The following PRDM2 variants were observed in gnomAD, a reference collection of about 807,000 sequenced individuals.
The protein encoded by PRDM2 is PR domain zinc finger protein 2.
In PRDM2, 30 loss-of-function variants were observed where a neutral mutation model predicts 130.0. The observed-to-expected ratio is 0.23, with a 90% CI of 0.17 to 0.31. The LOEUF (loss-of-function observed/expected upper bound fraction) is 0.31, where lower values mean the gene tolerates loss of function less well. Among genes scored for constraint, PRDM2 ranks in the 10% least tolerant of loss-of-function variants. The probability of loss-of-function intolerance (pLI) is 1.00; values close to 1 mark genes in which losing one functional copy is unlikely to be tolerated. For synonymous variants in PRDM2, 871 were observed against 782.4 expected (o/e 1.11, Z -1.89); for missense variants, 2,011 against 2,108.4 (o/e 0.95, Z 0.90).
intron 8 of PRDM2, among the ~76,000 whole-genome samples, chr1:13,789,244 C>G (rs61775127): frequency 0.049 from 7,494 of 152,338 alleles, 263 homozygotes; most frequent in Non-Finnish European, 0.074. Flanking sequence ...CCTTCCATCC[C>G]TGTTACCATT....
chr1:13,808,240 C>G (rs1209278913), intron 8 of PRDM2, among the ~76,000 whole-genome samples: 1 of 152,000 alleles, frequency 6.6e-6, no homozygotes, highest in Non-Finnish European at 1.5e-5. Context: ...GCCTGTAATC[C>G]CCACACTTTG....
chr1:13,736,797 T>C (rs893121778), intron 4 of PRDM2, among the ~76,000 whole-genome samples: 4 of 152,148 alleles, frequency 2.6e-5, no homozygotes, highest in African/African-American at 9.7e-5. Flanking sequence ...GTTAAAAATA[T>C]CTATTTTTGT....
chr1:13,816,380 C>T (rs199982136), intron 8 of PRDM2, 47 bp from the exon 9 acceptor site: 16 of 1,607,768 alleles, frequency 1.0e-5, no homozygotes, highest in Admixed American at 5.0e-5. Context: ...TCTAGGGCAC[C>T]GGGCTGGGCT....
intron 8 of PRDM2, among the ~76,000 whole-genome samples, chr1:13,783,768 A>G (rs1570028735): frequency 6.6e-6 from 1 of 152,284 alleles, no homozygotes; most frequent in East Asian, 1.9e-4. Context: ...TCATGTGAAA[A>G]TTACTCATCA....
chr1:13,702,820 A>C (rs891003453), intron 1 of PRDM2, among the ~76,000 whole-genome samples: 3 of 152,290 alleles, frequency 2.0e-5, no homozygotes, highest in African/African-American at 7.2e-5. Context: ...CAGAAAAAAA[A>C]CCAAAACAGC....
At chr1:13,770,628 T>C (rs1391540359) in intron 6 of PRDM2, among the ~76,000 whole-genome samples, 2 of 151,960 alleles carry the variant, frequency 1.3e-5, no homozygotes, top group African/African-American at 2.4e-5. Context: ...ATGCAAGGAG[T>C]GAAGGTTTAG....
Position 13,824,900 on chromosome 1 carries a change from G to A in PRDM2, c.*1765G>A, listed in dbSNP as rs1645408173. On this transcript the variant is annotated 3_prime_UTR_variant, in exon 10 of 10. Transcript: ENST00000311066. ...TCACTCCTTTTTTGCATGTGCAAAT[G>A]TGCTGGTCACCCTTCAACGCTCCCA... 1 of 152,652 alleles carries A rather than the reference G, an allele frequency of 6.6e-6. No individual in the cohort carries two copies. The highest frequency in any genetic ancestry group is 6.5e-5 in the Admixed American group (1 of 15,286). 9.5% of individuals were successfully genotyped at this position (152,652 alleles called of 1,614,324 possible). A position where few individuals can be genotyped will look rare whatever the true frequency, so the allele number is the denominator to read the frequency against.
intron 6 of PRDM2, among the ~76,000 whole-genome samples, chr1:13,761,586 A>G (rs1031056168): frequency 2.6e-5 from 4 of 152,126 alleles, no homozygotes; most frequent in African/African-American, 9.7e-5. Context: ...GTAATAACAC[A>G]GGAGTCCCTG....
chr1:13,816,620 G>T, intron 9 of PRDM2, 50 bp downstream of exon 9: 1 of 1,600,434 alleles, frequency 6.2e-7, no homozygotes, highest in South Asian at 1.1e-5. Context: ...TGGGTCAAGG[G>T]GGTGTGGGCT....
Position 13,806,990 on chromosome 1 carries a change from A to G in PRDM2, c.5037-9437A>G, listed in dbSNP as rs1645095695. On this transcript the variant is annotated intron_variant, in intron 8 of 9. Coordinates refer to ENST00000311066, the MANE Select transcript of PRDM2 (RefSeq NM_001393986.1). This position sits in a 1 kb window ranked among gnomAD's most constrained non-coding sequence, Gnocchi z 4.1. ...CCCACACACTGCCGTTTCCCATGTC[A>G]CCTTTCCCTGTCTTCTCCTCCACTC... 6.6e-6 allele frequency among the ~76,000 whole-genome samples: 1 copy of G among 151,392 alleles called. No homozygotes were observed. Among genetic ancestry groups the G allele is most frequent in the Non-Finnish European group, 1.5e-5 (1 of 67,840 alleles).
intron 1 of PRDM2, among the ~76,000 whole-genome samples, chr1:13,703,330 C>G (rs1373828042): frequency 1.3e-5 from 2 of 152,194 alleles, no homozygotes. Context: ...CACCTCCTTC[C>G]AGTGTGACAG....
chr1:13,753,229 C>T (rs1557621662), intron 6 of PRDM2, among the ~76,000 whole-genome samples: 1 of 152,144 alleles, frequency 6.6e-6, no homozygotes, highest in Non-Finnish European at 1.5e-5. Flanking sequence ...AGTTTTTATA[C>T]CTGAAAGCTG....
At chr1:13,722,810 G>A (rs1242305246) in intron 2 of PRDM2, 1 of 515,652 alleles carries the variant, frequency 1.9e-6, no homozygotes, top group African/African-American at 1.9e-5. Flanking sequence ...GCAGACCAAT[G>A]ACTAGATTTT....
intron 8 of PRDM2, among the ~76,000 whole-genome samples, chr1:13,801,142 C>A (rs986352967): frequency 6.6e-6 from 1 of 152,132 alleles, no homozygotes; most frequent in Non-Finnish European, 1.5e-5. Context: ...GCAGGGGCAT[C>A]GACGTGAGCG....
intron 8 of PRDM2, among the ~76,000 whole-genome samples, chr1:13,805,861 G>A (rs1485190119): frequency 6.6e-6 from 1 of 152,132 alleles, no homozygotes; most frequent in Non-Finnish European, 1.5e-5. Flanking sequence ...CAGGGAGCTT[G>A]GAAGAGCACC....
At chr1:13,767,653 A>G (rs1325077780) in intron 6 of PRDM2, among the ~76,000 whole-genome samples, 1 of 151,904 alleles carries the variant, frequency 6.6e-6, no homozygotes, top group Non-Finnish European at 1.5e-5. Flanking sequence ...GAAACCAGTG[A>G]AATAATGGAT....
chr1:13,800,063 C>A (rs1244119240), intron 8 of PRDM2, among the ~76,000 whole-genome samples: 1 of 151,868 alleles, frequency 6.6e-6, no homozygotes, highest in Non-Finnish European at 1.5e-5. Context: ...CAGATCTTGG[C>A]CATTCATTCA....
At chr1:13,799,921 T>C (rs1421376138) in intron 8 of PRDM2, among the ~76,000 whole-genome samples, 1 of 152,190 alleles carries the variant, frequency 6.6e-6, no homozygotes, top group Non-Finnish European at 1.5e-5. Flanking sequence ...AGGGCAGAGA[T>C]GGTAAAGGCA....
chr1:13,727,699 A>G (rs1370831655), intron 2 of PRDM2, among the ~76,000 whole-genome samples: 4 of 152,212 alleles, frequency 2.6e-5, no homozygotes, highest in African/African-American at 4.8e-5. Flanking sequence ...TGTTGAGGCA[A>G]GCGTGCTGCC....
Sources: gnomAD v4.1 joint callset for allele counts (sites outside exome capture counted in the v4.1 genomes callset) on GRCh38, gnomAD v4.1.1 for gene constraint, Gnocchi (gnomAD v3.1) non-coding constraint, MANE v1.5 for transcripts, NCBI Gene and HGNC (gene_info 2026-07-23, HGNC 2026-07-21) for gene names.